ABCD3: variants seen among roughly 807,000 people sequenced by gnomAD.
ABCD3 encodes ATP binding cassette subfamily D member 3, also known as ATP-binding cassette sub-family D member 3.
In ABCD3, 41 loss-of-function variants were observed where a neutral mutation model predicts 105.5. The observed-to-expected ratio is 0.39, with a 90% confidence interval of 0.30 to 0.50. The LOEUF (loss-of-function observed/expected upper bound fraction) is 0.50, where lower values mean the gene tolerates loss of function less well. Among genes scored for constraint, ABCD3 ranks in the 20% least tolerant of loss-of-function variants. ABCD3 has a pLI of 0.84. For missense variants in ABCD3, 622 were observed against 806.3 expected (o/e 0.77, Z 2.77); for synonymous variants, 258 against 269.0 (o/e 0.96, Z 0.40).
chr1:94,490,112 C>A, intron 15 of ABCD3, 137 bp downstream of exon 15: 1 of 746,658 alleles, frequency 1.3e-6, no homozygotes, highest in Non-Finnish European at 2.3e-6. Flanking sequence ...GTATCATTGA[C>A]CTAAAAATTG....
the ABCD3 span, among the ~76,000 whole-genome samples, chr1:94,391,480 C>A: frequency 6.6e-6 from 1 of 152,176 alleles, no homozygotes; most frequent in Non-Finnish European, 1.5e-5. Context: ...CCACATCACT[C>A]TAACAGGCCT....
chr1:94,483,182 C>G lies in ABCD3; in HGVS notation c.840C>G (p.Ala280=). The G allele has an allele frequency of 6.2e-7, 1 of 1,609,960 alleles. No individual in the cohort carries two copies. Among genetic ancestry groups the G allele is most frequent in the Non-Finnish European group, 8.5e-7 (1 of 1,176,470 alleles). The change falls in exon 10 of 23, where the codon GCC becomes GCG. Residue 280 remains alanine (A), a synonymous_variant. Transcript: ENST00000370214. ...SRLITNSEEI[A]FYNGNKREKQ... is the part of the protein sequence containing the mutation. ...TTTTCTTTAATAGTGAAGAAATTGC[C>G]TTTTACAATGGGAATAAAAGAGAAA...
chr1:94,419,503 G>A (rs1326717806), intron 1 of ABCD3, among the ~76,000 whole-genome samples: 1 of 152,154 alleles, frequency 6.6e-6, no homozygotes, highest in Non-Finnish European at 1.5e-5. Context: ...TGCTGGACAA[G>A]TGAAAGAGAA....
At chr1:94,397,847 G>A in the ABCD3 span, among the ~76,000 whole-genome samples, 1 of 152,024 alleles carries the variant, frequency 6.6e-6, no homozygotes, top group Admixed American at 6.6e-5. Context: ...TATGTTTCAG[G>A]GAAAATATTT....
chr1:94,457,323 A>C (rs1021199380), intron 1 of ABCD3, among the ~76,000 whole-genome samples: 1 of 152,214 alleles, frequency 6.6e-6, no homozygotes, highest in Non-Finnish European at 1.5e-5. Flanking sequence ...AAATAATAAT[A>C]ATCTACGTGC....
chr1:94,452,508 A>T (rs1193834994), intron 1 of ABCD3, among the ~76,000 whole-genome samples: 2 of 152,230 alleles, frequency 1.3e-5, no homozygotes, highest in African/African-American at 4.8e-5. Flanking sequence ...CCAGATCATG[A>T]AGTTCTTTGA....
At chr1:94,386,917 C>G in the ABCD3 span, among the ~76,000 whole-genome samples, 1 of 152,026 alleles carries the variant, frequency 6.6e-6, no homozygotes, top group South Asian at 2.1e-4. Context: ...CAATGAGCAG[C>G]ATTTCTTTTA....
rs1650953955 is a variant in ABCD3 at position 94,517,113 on chromosome 1, T to C, written c.1964T>C (p.Val655Ala). The change falls in exon 23 of 23, where the codon GTT (valine) becomes GCT (alanine). Residue 655 changes from valine (V) to alanine (A), a missense_variant. Coordinates refer to ENST00000370214, the MANE Select transcript of ABCD3 (RefSeq NM_002858.4). ...YEFKQITEDT[V>A]EFGS Reference sequence around the variant, plus strand: ...TTCAAACAGATAACAGAAGATACAGTTGAGTTTGGCTCTTAGAGAAATCTG... The same window carrying C: ...TTCAAACAGATAACAGAAGATACAGCTGAGTTTGGCTCTTAGAGAAATCTG... 2 of 1,610,078 alleles carry C rather than the reference T, an allele frequency of 1.2e-6. No homozygotes were observed. The highest frequency in any genetic ancestry group is 1.7e-6 in the Non-Finnish European group (2 of 1,176,812).
At chr1:94,456,255 A>ATTTTTTTTTTT (rs71094301) in intron 1 of ABCD3, among the ~76,000 whole-genome samples, 1 of 44,892 alleles carries the variant, frequency 2.2e-5, no homozygotes, top group African/African-American at 8.9e-5. Context: ...AAATGACAGA[A>ATTTTTTTTTTT]TTTTTTTTTT....
At chr1:94,485,582 C>T (rs1649241155) in intron 10 of ABCD3, among the ~76,000 whole-genome samples, 1 of 152,132 alleles carries the variant, frequency 6.6e-6, no homozygotes, top group Non-Finnish European at 1.5e-5. Context: ...AGATTTTCAG[C>T]CCAAATGTTA....
Position 94,466,956 on chromosome 1 carries a change from A to G in ABCD3, c.247-963A>G, listed in dbSNP as rs371504725. 2.0e-4 allele frequency among the ~76,000 whole-genome samples: 31 copies of G among 152,288 alleles called. No homozygotes were observed. In the East Asian group the frequency reaches 5.0e-3, roughly 25 times the overall value. ...GTTCCAATTTAGAAAATTTAAGATC[A>G]GCTTTAAATATGTGTACTTGGGGTT... On this transcript the variant is annotated intron_variant, in intron 3 of 22. Transcript: ENST00000370214.
intron 16 of ABCD3, 55 bp from the exon 17 acceptor site, chr1:94,498,547 G>T: frequency 1.3e-6 from 2 of 1,549,416 alleles, no homozygotes; most frequent in Non-Finnish European, 1.8e-6. Flanking sequence ...TGTTGATTAA[G>T]TATATGTTAA....
chr1:94,474,009 AAAG>A, intron 5 of ABCD3, among the ~76,000 whole-genome samples, 174 bp downstream of exon 5: 1 of 146,266 alleles, frequency 6.8e-6, no homozygotes, highest in East Asian at 2.0e-4. Context: ...ACTAGATAAA[AAAG>A]GGATTATGTT....
intron 1 of ABCD3, chr1:94,432,741 G>A (rs1659736944): frequency 1.3e-5 from 2 of 152,118 alleles, no homozygotes; most frequent in Admixed American, 1.3e-4. Flanking sequence ...GTTAAAAAAG[G>A]TTTTATATTA....
At chr1:94,487,264 A>G (rs1649319015) in intron 10 of ABCD3, among the ~76,000 whole-genome samples, 1 of 152,188 alleles carries the variant, frequency 6.6e-6, no homozygotes, top group Non-Finnish European at 1.5e-5. Context: ...GCATTGTGCT[A>G]TTGCATGCAA....
chr1:94,478,682 C>A, intron 8 of ABCD3: 1 of 924,980 alleles, frequency 1.1e-6, no homozygotes, highest in Non-Finnish European at 1.5e-6. Context: ...AGACCCGCTT[C>A]TTTAAAAAAT....
In ABCD3 at chr1:94,477,928, A is replaced by T. The variant is rs80270963; in HGVS notation, c.628-331A>T. On this transcript the variant is annotated intron_variant, in intron 7 of 22. Transcript: ENST00000370214. ...TCAGGTCATTTTATTCAGTGTCTTTACATTATATTGACACATTACTGAGTT... is the reference window on the plus strand; with the variant it reads ...TCAGGTCATTTTATTCAGTGTCTTTTCATTATATTGACACATTACTGAGTT... Among the ~76,000 whole-genome samples, 1,105 of 152,334 alleles carry T rather than the reference A, an allele frequency of 7.3e-3. 17 individuals carry two copies. Among genetic ancestry groups the T allele is most frequent in the African/African-American group, 0.025 (1,040 of 41,570 alleles).
chr1:94,514,922 AT>A lies in ABCD3; in HGVS notation c.1846-223del. 1.3e-5 allele frequency: 7 copies of A among 519,880 alleles called. No homozygotes were observed. The South Asian group carries it at 1.8e-4, about 13-fold the overall frequency. 32.2% of individuals were successfully genotyped at this position (519,880 alleles called of 1,614,324 possible). On this transcript the variant is annotated intron_variant, in intron 21 of 22. Coordinates refer to ENST00000370214, the MANE Select transcript of ABCD3 (RefSeq NM_002858.4). ...AGATATGTTTTTTGCCCAAAAGAAA[AT>A]AATACACTTAATGCCAGTACCTGGT...
intron 20 of ABCD3, among the ~76,000 whole-genome samples, chr1:94,500,280 A>C (rs943473255): frequency 8.7e-5 from 13 of 149,308 alleles, no homozygotes; most frequent in Admixed American, 2.0e-4. Flanking sequence ...CTTTCTCTAC[A>C]AAAAAAAATT....
Sources: allele counts gnomAD v4.1 joint callset (sites outside exome capture counted in the v4.1 genomes callset), GRCh38; gene constraint gnomAD v4.1.1; transcripts MANE v1.5; gene names NCBI Gene and HGNC (gene_info 2026-07-23, HGNC 2026-07-21).